ZFYVE28: variants seen among roughly 807,000 people sequenced by gnomAD.
ZFYVE28 encodes the protein lateral signaling target protein 2 homolog.
In ZFYVE28, 40 loss-of-function variants were observed where a neutral mutation model predicts 82.1. The ratio of observed to expected loss-of-function variants is 0.49; its 90% confidence interval spans 0.38 to 0.63. ZFYVE28 has a LOEUF of 0.63. Among genes scored for constraint, ZFYVE28 ranks in the 30% least tolerant of loss-of-function variants. ZFYVE28 has a pLI of 0.00. For missense variants in ZFYVE28, 1,321 were observed against 1,242.1 expected (o/e 1.06, Z -0.96); for synonymous variants, 612 against 546.1 (o/e 1.12, Z -1.68).
At chr4:2,345,012 C>G (rs1259821994) in intron 2 of ZFYVE28, among the ~76,000 whole-genome samples, 3 of 151,916 alleles carry the variant, frequency 2.0e-5, no homozygotes, top group Non-Finnish European at 1.5e-5. Context: ...GAGATTGAGA[C>G]CATCCTGGCT....
chr4:2,354,200 T>C, intron 1 of ZFYVE28, 127 bp from the exon 2 acceptor site: 1 of 1,084,208 alleles, frequency 9.2e-7, no homozygotes, highest in South Asian at 2.3e-5. Context: ...AGCAGCCGGC[T>C]CTTTTATCAG....
intron 8 of ZFYVE28, among the ~76,000 whole-genome samples, chr4:2,288,882 C>T (rs1182429168): frequency 1.3e-5 from 2 of 152,196 alleles, no homozygotes; most frequent in Non-Finnish European, 2.9e-5. Flanking sequence ...CTCGGGATCA[C>T]TTGAGCCCAG....
At chr4:2,359,451 A>G (rs546388265) in intron 1 of ZFYVE28, among the ~76,000 whole-genome samples, 1 of 152,212 alleles carries the variant, frequency 6.6e-6, no homozygotes, top group Non-Finnish European at 1.5e-5. Flanking sequence ...TAAAGAGGTC[A>G]TTAAGGTTAA....
chr4:2,321,135 C>T (rs1443231710), intron 6 of ZFYVE28, among the ~76,000 whole-genome samples: 1 of 152,056 alleles, frequency 6.6e-6, no homozygotes, highest in Admixed American at 6.6e-5. Context: ...GGGGAGCATC[C>T]ACCCACGAAT....
chr4:2,413,012 C>T (rs1402188450), intron 1 of ZFYVE28, among the ~76,000 whole-genome samples: 1 of 152,124 alleles, frequency 6.6e-6, no homozygotes, highest in African/African-American at 2.4e-5. Context: ...CAGACGTTTC[C>T]AGTAAGCGCC....
rs534850428 is a variant in ZFYVE28 at position 2,320,401 on chromosome 4, G to T, written c.702-130C>A. ...GCAGCGCCACTGTCCCAGCACGGCCGCCGCCTCATGCTTTGCCTTGTGTGA... is the reference window on the plus strand; with the variant it reads ...GCAGCGCCACTGTCCCAGCACGGCCTCCGCCTCATGCTTTGCCTTGTGTGA... On this transcript the variant is annotated intron_variant, in intron 6 of 12. Transcript: ENST00000290974. The surrounding 1 kb of genome is among the most constrained non-coding windows in gnomAD (Gnocchi z 5.1). The T allele has an allele frequency of 3.2e-5, 21 of 665,676 alleles. No homozygotes were observed. In the South Asian group the frequency reaches 4.1e-4, roughly 13 times the overall value. 41.2% of individuals were successfully genotyped at this position (665,676 alleles called of 1,614,324 possible).
intron 8 of ZFYVE28, among the ~76,000 whole-genome samples, chr4:2,291,565 C>T (rs1713704384): frequency 6.6e-6 from 1 of 152,196 alleles, no homozygotes; most frequent in Non-Finnish European, 1.5e-5. Context: ...TGAGTCCCCT[C>T]TCTCTCCACC....
intron 8 of ZFYVE28, among the ~76,000 whole-genome samples, chr4:2,281,371 G>A (rs1711948467): frequency 6.6e-6 from 1 of 152,070 alleles, no homozygotes; most frequent in Non-Finnish European, 1.5e-5. Flanking sequence ...CTATAACAGA[G>A]TACCACAGTC....
At chr4:2,307,342 T>G (rs979611075) in intron 7 of ZFYVE28, among the ~76,000 whole-genome samples, 1 of 152,210 alleles carries the variant, frequency 6.6e-6, no homozygotes, top group Non-Finnish European at 1.5e-5. Context: ...GCCTTTTCAT[T>G]CTCTTAATGG....
chr4:2,330,541 C>T, intron 6 of ZFYVE28: 1 of 1,159,724 alleles, frequency 8.6e-7, no homozygotes, highest in South Asian at 2.0e-5. Flanking sequence ...GAAGGGACAG[C>T]ATGGAGGAGG....
At chr4:2,284,421 G>T (rs1156327937) in intron 8 of ZFYVE28, among the ~76,000 whole-genome samples, 3 of 152,178 alleles carry the variant, frequency 2.0e-5, no homozygotes, top group Non-Finnish European at 4.4e-5. Context: ...GAGGAGGAGA[G>T]CGCGACGGGG....
rs149580248 is a variant in ZFYVE28, at chr4:2,290,521, A to C, written c.2051+13768T>G. 6.3e-3 allele frequency among the ~76,000 whole-genome samples: 953 copies of C among 152,160 alleles called. 11 individuals are homozygous for C. Among genetic ancestry groups the C allele is most frequent in the African/African-American group, 0.022 (915 of 41,514 alleles). On this transcript the variant is annotated intron_variant, in intron 8 of 12. Coordinates refer to ENST00000290974, the MANE Select transcript of ZFYVE28 (RefSeq NM_020972.3). The stretch of plus-strand genomic sequence containing the variant: ...CTCTCGTGAGGATGCAACGCTGCTC[A>C]CTGATGGCCCCCAGGAGATGTCTCC...
rs534189766 is a variant in ZFYVE28 at position 2,408,627 on chromosome 4, A to G, written c.39+9658T>C. 6.6e-6 allele frequency among the ~76,000 whole-genome samples: 1 copy of G among 152,190 alleles called. No individual in the cohort carries two copies. Among genetic ancestry groups the G allele is most frequent in the African/African-American group, 2.4e-5 (1 of 41,516 alleles). ...ATCTAGATGAAGCCCCACCCAGGTA[A>G]GCCCACCTAGATGATGGCGCCCCAT... On this transcript the variant is annotated intron_variant, in intron 1 of 12. Coordinates refer to ENST00000290974, the MANE Select transcript of ZFYVE28 (RefSeq NM_020972.3). This position sits in a 1 kb window ranked among gnomAD's most constrained non-coding sequence, Gnocchi z 4.3.
chr4:2,320,059 C>T lies in ZFYVE28; in HGVS notation c.803+111G>A. 2 of 1,000,610 alleles carry T rather than the reference C, an allele frequency of 2.0e-6. No homozygotes were observed. The highest frequency in any genetic ancestry group is 4.1e-5 in the Admixed American group (2 of 48,806). 62.0% of individuals were successfully genotyped at this position (1,000,610 alleles called of 1,614,324 possible). On this transcript the variant is annotated intron_variant, in intron 7 of 12. Coordinates refer to ENST00000290974, the MANE Select transcript of ZFYVE28 (RefSeq NM_020972.3). This position sits in a 1 kb window ranked among gnomAD's most constrained non-coding sequence, Gnocchi z 5.1. ...AGGGAATATTAACCAGCCCATCCTTCCTCACAGAGAGGAGGAGGACCTGGA... is the reference window on the plus strand; with the variant it reads ...AGGGAATATTAACCAGCCCATCCTTTCTCACAGAGAGGAGGAGGACCTGGA...
At chr4:2,406,468 G>C (rs541617240) in intron 1 of ZFYVE28, 7 of 152,298 alleles carry the variant, frequency 4.6e-5, no homozygotes, top group Admixed American at 1.3e-4. Flanking sequence ...CCTGGGAGCC[G>C]ATGGTGTGCA....
chr4:2,402,036 A>C (rs1326176104), intron 1 of ZFYVE28, among the ~76,000 whole-genome samples: 3 of 152,108 alleles, frequency 2.0e-5, no homozygotes, highest in Non-Finnish European at 4.4e-5. Flanking sequence ...CTGTCAAGAG[A>C]CACAGAGGAA....
chr4:2,395,181 C>A (rs1343159159), intron 1 of ZFYVE28, among the ~76,000 whole-genome samples: 1 of 152,206 alleles, frequency 6.6e-6, no homozygotes, highest in African/African-American at 2.4e-5. Flanking sequence ...CCTACTGGGG[C>A]CTCCCCCATC....
intron 1 of ZFYVE28, among the ~76,000 whole-genome samples, chr4:2,410,972 G>A (rs1232218811): frequency 6.6e-6 from 1 of 151,984 alleles, no homozygotes; most frequent in Non-Finnish European, 1.5e-5. Flanking sequence ...GGTGTTTTTT[G>A]TAATCATGAT....
intron 1 of ZFYVE28, among the ~76,000 whole-genome samples, chr4:2,354,599 T>C (rs1242572742): frequency 2.6e-5 from 4 of 151,888 alleles, no homozygotes; most frequent in African/African-American, 9.7e-5. Context: ...ACTGGGATTA[T>C]AGGTGCCCGC....
Sources: gnomAD v4.1 joint callset for allele counts (sites outside exome capture counted in the v4.1 genomes callset) on GRCh38, gnomAD v4.1.1 for gene constraint, Gnocchi (gnomAD v3.1) non-coding constraint, MANE v1.5 for transcripts, NCBI Gene and HGNC (gene_info 2026-07-23, HGNC 2026-07-21) for gene names.